BMPR1B: variants seen among roughly 807,000 people sequenced by gnomAD.
The protein encoded by BMPR1B is bone morphogenetic protein receptor type-1B.
In BMPR1B, 12 loss-of-function variants were observed where a neutral mutation model predicts 59.1. That is an observed-to-expected ratio of 0.20 (90% confidence interval 0.13 to 0.33). BMPR1B has a LOEUF of 0.33. Ranked by LOEUF, BMPR1B falls within the 10% of genes least tolerant of loss-of-function variation. The pLI, the probability that BMPR1B is intolerant of heterozygous loss-of-function variation, is 1.00. For missense variants in BMPR1B, 550 were observed against 610.9 expected, an observed-to-expected ratio of 0.90 and a Z score of 1.05; for synonymous variants, 237 against 207.3, an observed-to-expected ratio of 1.14 and a Z score of -1.23.
chr4:94,847,360 A>G (rs990523120), intron 1 of BMPR1B, among the ~76,000 whole-genome samples: 3 of 152,224 alleles, frequency 2.0e-5, no homozygotes, highest in East Asian at 1.9e-4. Flanking sequence ...CACAGCCACT[A>G]TGGAAAACAG....
intron 2 of BMPR1B, among the ~76,000 whole-genome samples, chr4:94,884,733 G>T (rs1399140985): frequency 6.6e-6 from 1 of 152,148 alleles, no homozygotes; most frequent in East Asian, 1.9e-4. Context: ...TTGAGTAAAT[G>T]CAGCAATGCC....
chr4:94,998,692 G>A lies in BMPR1B; in HGVS notation c.-18+2558G>A, dbSNP rs58717670. On this transcript the variant is annotated intron_variant, in intron 3 of 12. Coordinates refer to ENST00000515059, the MANE Select transcript of BMPR1B (RefSeq NM_001203.3). ...CCAGCCTGCTGCATTACTTTTAGAA[G>A]GGTCAATCTTCCACCCTGATGAACC... Among the ~76,000 whole-genome samples the A allele has an allele frequency of 7.3e-3, 1,109 of 152,176 alleles. 13 individuals carry two copies. Among genetic ancestry groups the A allele is most frequent in the African/African-American group, 0.025 (1,056 of 41,540 alleles).
At chr4:94,824,267 A>G (rs1578684745) in intron 1 of BMPR1B, among the ~76,000 whole-genome samples, 1 of 152,104 alleles carries the variant, frequency 6.6e-6, no homozygotes, top group Non-Finnish European at 1.5e-5. Flanking sequence ...AGCTAAGGAA[A>G]CCTTCCCCAC....
At chr4:95,104,249 C>T (rs574111629) in intron 3 of BMPR1B, 159 bp from the exon 4 acceptor site, 23 of 834,036 alleles carry the variant, frequency 2.8e-5, no homozygotes, top group Middle Eastern at 3.6e-4. Context: ...AGGTAAAAGA[C>T]ATGATTTTAA....
At chr4:94,808,863 C>CCT (rs1723709544) in intron 1 of BMPR1B, among the ~76,000 whole-genome samples, 1 of 151,966 alleles carries the variant, frequency 6.6e-6, no homozygotes, top group Non-Finnish European at 1.5e-5. Flanking sequence ...GAGACCAGCT[C>CCT]GGCCAACATG....
chr4:94,940,055 G>A (rs1729451039), intron 2 of BMPR1B, among the ~76,000 whole-genome samples: 1 of 152,142 alleles, frequency 6.6e-6, no homozygotes, highest in Non-Finnish European at 1.5e-5. Flanking sequence ...CAACACTAAT[G>A]CATTTGGGAG....
intron 1 of BMPR1B, among the ~76,000 whole-genome samples, chr4:94,787,041 C>T (rs1170553547): frequency 2.6e-5 from 4 of 152,058 alleles, no homozygotes; most frequent in Non-Finnish European, 4.4e-5. Context: ...ACCAGGGCGA[C>T]AAGGAATGAA....
intron 1 of BMPR1B, among the ~76,000 whole-genome samples, chr4:94,858,071 G>A (rs543773687): frequency 6.6e-6 from 1 of 151,760 alleles, no homozygotes; most frequent in East Asian, 1.9e-4. Context: ...TCAGTCTCCC[G>A]AGTAGCTGGG....
At chr4:94,768,233 G>A (rs1216741350) in intron 1 of BMPR1B, among the ~76,000 whole-genome samples, 2 of 152,012 alleles carry the variant, frequency 1.3e-5, no homozygotes, top group Non-Finnish European at 2.9e-5. Flanking sequence ...AGCTGTTAAA[G>A]TTTATTCTTT....
In BMPR1B at chr4:94,981,002, C is replaced by CGCGCGCGCGT. The variant is rs1477910758; in HGVS notation, c.-112-15038_-112-15037insGCGCGCGCGT. Among the ~76,000 whole-genome samples the CGCGCGCGCGT allele has an allele frequency of 7.4e-4, 89 of 120,300 alleles. 1 individual carries two copies. The South Asian group carries it at 0.011, about 15-fold the overall frequency. 78.9% of individuals were successfully genotyped at this position (120,300 alleles called of 152,430 possible). A position where few individuals can be genotyped will look rare whatever the true frequency, so the allele number is the denominator to read the frequency against. On this transcript the variant is annotated intron_variant, in intron 2 of 12. Transcript: ENST00000515059. Reference sequence around the variant, plus strand: ...AGAGCAAGACTCCATCACACACACACACACACACACACACACACACAAAAA... The same window carrying CGCGCGCGCGT: ...AGAGCAAGACTCCATCACACACACACGCGCGCGCGTACACACACACACACACACACAAAAA...
intron 1 of BMPR1B, among the ~76,000 whole-genome samples, chr4:94,850,756 G>A (rs1268354457): frequency 1.3e-5 from 2 of 152,084 alleles, no homozygotes; most frequent in East Asian, 1.9e-4. Context: ...AGCCTCCTAT[G>A]CCCTCCTCAC....
intron 1 of BMPR1B, among the ~76,000 whole-genome samples, chr4:94,861,596 A>C (rs1725979148): frequency 6.6e-6 from 1 of 152,062 alleles, no homozygotes; most frequent in Non-Finnish European, 1.5e-5. Flanking sequence ...GAGCAAAGAC[A>C]TGGTCCCTGA....
chr4:95,130,074 G>A lies in BMPR1B; in HGVS notation c.778+20G>A. ...TTTTGGGTGAGTAAAAGTCTGCATA[G>A]CTATGTTCAGGGTTTCCTAGCTTTC... On this transcript the variant is annotated intron_variant, in intron 9 of 12. Transcript: ENST00000515059. 6.2e-7 allele frequency: 1 copy of A among 1,610,504 alleles called. No individual in the cohort carries two copies. The highest frequency in any genetic ancestry group is 8.5e-7 in the Non-Finnish European group (1 of 1,176,948).
At chr4:94,972,852 G>A (rs1177722928) in intron 2 of BMPR1B, among the ~76,000 whole-genome samples, 1 of 152,152 alleles carries the variant, frequency 6.6e-6, no homozygotes, top group Non-Finnish European at 1.5e-5. Flanking sequence ...GTATTTTCTT[G>A]ACACCTTCAA....
intron 2 of BMPR1B, among the ~76,000 whole-genome samples, chr4:94,984,292 G>T (rs1441592781): frequency 6.6e-6 from 1 of 152,150 alleles, no homozygotes; most frequent in Non-Finnish European, 1.5e-5. Flanking sequence ...GCATTTTCCA[G>T]TAACACCTGA....
chr4:95,156,481 G>C lies in BMPR1B; in HGVS notation c.*1808G>C, dbSNP rs974301476. The stretch of plus-strand genomic sequence containing the variant: ...TCCTCACTTCTGAAGTCGGTTTGCA[G>C]CTGGTAACTTGTTCATCCAGAAAAC... On this transcript the variant is annotated 3_prime_UTR_variant, in exon 13 of 13. Coordinates refer to ENST00000515059, the MANE Select transcript of BMPR1B (RefSeq NM_001203.3). 2 of 152,048 alleles carry C rather than the reference G, an allele frequency of 1.3e-5. No individual in the cohort carries two copies. Among genetic ancestry groups the C allele is most frequent in the African/African-American group, 4.8e-5 (2 of 41,398 alleles). The allele number at this position is 152,048 out of a possible 1,614,324, so 9.4% of individuals were successfully genotyped here. A position where few individuals can be genotyped will look rare whatever the true frequency, so the allele number is the denominator to read the frequency against.
chr4:94,983,896 T>A (rs1721247885), intron 2 of BMPR1B, among the ~76,000 whole-genome samples: 1 of 152,202 alleles, frequency 6.6e-6, no homozygotes, highest in Non-Finnish European at 1.5e-5. Flanking sequence ...AGGGATTGTG[T>A]CTAGAGTGCC....
chr4:95,082,003 C>CT (rs200716289), intron 3 of BMPR1B, among the ~76,000 whole-genome samples: 5,343 of 151,536 alleles, frequency 0.035, 140 homozygotes, highest in Middle Eastern at 0.071. Context: ...TATTATTATA[C>CT]TTTAAGTTTA....
At chr4:94,971,301 G>A (rs1468639974) in intron 2 of BMPR1B, among the ~76,000 whole-genome samples, 3 of 152,008 alleles carry the variant, frequency 2.0e-5, no homozygotes, top group Non-Finnish European at 4.4e-5. Flanking sequence ...TATCCCATTG[G>A]CATTTGACAA....
Sources: gnomAD v4.1 joint callset for allele counts (sites outside exome capture counted in the v4.1 genomes callset) on GRCh38, gnomAD v4.1.1 for gene constraint, MANE v1.5 for transcripts, NCBI Gene and HGNC (gene_info 2026-07-23, HGNC 2026-07-21) for gene names.